Variants in MELK observed in about 807,000 individuals in gnomAD.
MELK encodes the protein pEg3 kinase.
A neutral mutation model predicts 85.0 loss-of-function variants in MELK; 81 were observed. That is an observed-to-expected ratio of 0.95 (90% confidence interval 0.80 to 1.15). The LOEUF is 1.15. MELK is among the 50% of genes most tolerant of loss of function. The pLI, the probability that MELK is intolerant of heterozygous loss-of-function variation, is 0.00. For missense variants in MELK, 754 were observed against 777.5 expected, an observed-to-expected ratio of 0.97 and a Z score of 0.36; for synonymous variants, 252 against 265.0, an observed-to-expected ratio of 0.95 and a Z score of 0.48.
intron 11 of MELK, among the ~76,000 whole-genome samples, chr9:36,650,540 C>A (rs934746119): frequency 6.6e-6 from 1 of 152,130 alleles, no homozygotes; most frequent in Admixed American, 6.5e-5. Flanking sequence ...ATCAAAACTG[C>A]GAAGATTATT....
Position 36,630,378 on chromosome 9 carries a change from T to G in MELK, c.735+11T>G. On this transcript the variant is annotated intron_variant, in intron 9 of 17. Transcript: ENST00000298048. ...CAACAAATGCTGCAGGTAAACTTTATTTTTAAATAATAGAAGTCTATTGTA... is the reference window on the plus strand; with the variant it reads ...CAACAAATGCTGCAGGTAAACTTTAGTTTTAAATAATAGAAGTCTATTGTA... The G allele has an allele frequency of 6.3e-7, 1 of 1,588,032 alleles. No individual in the cohort carries two copies.
intron 16 of MELK, among the ~76,000 whole-genome samples, chr9:36,672,189 T>C (rs575431058): frequency 4.1e-4 from 63 of 152,326 alleles, no homozygotes; most frequent in East Asian, 3.9e-3. Flanking sequence ...ATAGGAGTTA[T>C]CCACTAGCAG....
At chr9:36,673,884 C>T (rs553146298) in intron 16 of MELK, among the ~76,000 whole-genome samples, 3 of 151,956 alleles carry the variant, frequency 2.0e-5, no homozygotes, top group Admixed American at 6.6e-5. Context: ...ATTATGTTTT[C>T]GAAATCAGTT....
chr9:36,647,719 C>T (rs1830355447), intron 11 of MELK, among the ~76,000 whole-genome samples: 1 of 152,024 alleles, frequency 6.6e-6, no homozygotes, highest in Admixed American at 6.6e-5. Context: ...GATCTCCTAA[C>T]TTCAAGTGAC....
intron 1 of MELK, among the ~76,000 whole-genome samples, chr9:36,574,430 C>CAAAAAAA (rs78915626): frequency 1.5e-3 from 119 of 79,830 alleles, no homozygotes; most frequent in African/African-American, 3.8e-3. Context: ...ACTAAAAATA[C>CAAAAAAA]AAAAAAAAAA....
intron 10 of MELK, among the ~76,000 whole-genome samples, chr9:36,634,632 G>A (rs567615683): frequency 3.9e-4 from 60 of 152,196 alleles, no homozygotes; most frequent in Non-Finnish European, 7.1e-4. Flanking sequence ...GCTTGAACTC[G>A]GGAGGCAGAG....
At chr9:36,612,250 C>T (rs1333973386) in intron 8 of MELK, among the ~76,000 whole-genome samples, 2 of 151,384 alleles carry the variant, frequency 1.3e-5, no homozygotes, top group Admixed American at 6.6e-5. Flanking sequence ...CATGCGCCAC[C>T]GTGCCTGGCT....
intron 15 of MELK, among the ~76,000 whole-genome samples, chr9:36,670,604 T>TG (rs1832795470): frequency 6.6e-6 from 1 of 151,566 alleles, no homozygotes; most frequent in African/African-American, 2.4e-5. Context: ...AGTGTATATC[T>TG]ATATACATAT....
chr9:36,667,975 G>C (rs58376094), intron 14 of MELK, among the ~76,000 whole-genome samples: 75 of 152,266 alleles, frequency 4.9e-4, no homozygotes, highest in African/African-American at 1.4e-3. Context: ...CAACATGTTG[G>C]GCAGGCTGCT....
At chr9:36,630,664 T>A (rs1407975340) in intron 9 of MELK, among the ~76,000 whole-genome samples, 1 of 152,108 alleles carries the variant, frequency 6.6e-6, no homozygotes, top group Non-Finnish European at 1.5e-5. Flanking sequence ...GATTGATTGA[T>A]GGAGATAGAG....
chr9:36,624,983 T>C (rs1181441448), intron 8 of MELK, among the ~76,000 whole-genome samples: 3 of 152,164 alleles, frequency 2.0e-5, no homozygotes, highest in African/African-American at 7.2e-5. Flanking sequence ...TCATAGATAG[T>C]GTATGAGTTT....
At chr9:36,608,234 C>T (rs534535891) in intron 8 of MELK, among the ~76,000 whole-genome samples, 3 of 134,510 alleles carry the variant, frequency 2.2e-5, no homozygotes, top group East Asian at 2.1e-4. Context: ...GCCGAGATTA[C>T]GCCACTGCAC....
chr9:36,650,776 C>G (rs1830634100), intron 11 of MELK, among the ~76,000 whole-genome samples: 1 of 152,092 alleles, frequency 6.6e-6, no homozygotes. Flanking sequence ...GAAAGGAATC[C>G]CTAGACTGAC....
At chr9:36,657,191 T>C in intron 12 of MELK, 50 bp from the exon 13 acceptor site, 1 of 1,556,862 alleles carries the variant, frequency 6.4e-7, no homozygotes, top group South Asian at 1.2e-5. Flanking sequence ...ATTTTAAATA[T>C]TGAATCATAG....
At chr9:36,614,425 G>GCT (rs375294474) in intron 8 of MELK, among the ~76,000 whole-genome samples, 1 of 118,996 alleles carries the variant, frequency 8.4e-6, no homozygotes, top group African/African-American at 3.6e-5. Context: ...TTATTTTTGG[G>GCT]TTTTTTTTTT....
intron 5 of MELK, among the ~76,000 whole-genome samples, chr9:36,596,055 A>T (rs932249126): frequency 1.3e-5 from 2 of 152,058 alleles, no homozygotes; most frequent in Non-Finnish European, 2.9e-5. Flanking sequence ...ACTTCAAGTG[A>T]TGCGCCTGCC....
At chr9:36,639,545 T>C (rs1255912619) in intron 10 of MELK, among the ~76,000 whole-genome samples, 1 of 152,224 alleles carries the variant, frequency 6.6e-6, no homozygotes, top group African/African-American at 2.4e-5. Context: ...GGAAATGTAG[T>C]AGGCACAGAT....
chr9:36,598,596 A>G (rs1048187985), intron 6 of MELK, among the ~76,000 whole-genome samples: 2 of 152,170 alleles, frequency 1.3e-5, no homozygotes, highest in Admixed American at 6.5e-5. Flanking sequence ...GGAGTGATTT[A>G]TAACTGCATC....
rs890395886 is a variant in MELK at position 36,641,602 on chromosome 9, A to T, written c.835-1395A>T. Among the ~76,000 whole-genome samples the T allele has an allele frequency of 3.2e-5, 4 of 126,752 alleles. No individual in the cohort carries two copies. In the Admixed American group the frequency reaches 3.4e-4, roughly 11 times the overall value. 83.2% of individuals were successfully genotyped at this position (126,752 alleles called of 152,430 possible). A position where few individuals can be genotyped will look rare whatever the true frequency, so the allele number is the denominator to read the frequency against. ...CTCACTCGGGCTGCCATAAAGAGAG[A>T]TTTTTTTTTTTTTTTTTTTTTGGAG... is the stretch of plus-strand genomic sequence containing the variant. On this transcript the variant is annotated intron_variant, in intron 10 of 17. Coordinates refer to ENST00000298048, the MANE Select transcript of MELK (RefSeq NM_014791.4).
Sources: gnomAD v4.1 joint callset for allele counts (sites outside exome capture counted in the v4.1 genomes callset) on GRCh38, gnomAD v4.1.1 for gene constraint, MANE v1.5 for transcripts, NCBI Gene and HGNC (gene_info 2026-07-23, HGNC 2026-07-21) for gene names.